The following HHIPL1 variants were observed in gnomAD, a reference collection of about 807,000 sequenced individuals.
The protein encoded by HHIPL1 is HHIP-like protein 1.
A neutral mutation model predicts 61.8 loss-of-function variants in HHIPL1; 43 were observed. The observed-to-expected ratio is 0.70, with a 90% confidence interval of 0.55 to 0.90. The LOEUF (loss-of-function observed/expected upper bound fraction) is 0.90. Among genes scored for constraint, HHIPL1 ranks in the 40% least tolerant of loss-of-function variants. The pLI, the probability that HHIPL1 is intolerant of heterozygous loss-of-function variation, is 0.00. For missense variants in HHIPL1, 1,056 were observed against 1,157.7 expected, an observed-to-expected ratio of 0.91 and a Z score of 1.28; for synonymous variants, 482 against 515.8, an observed-to-expected ratio of 0.93 and a Z score of 0.89.
At chr14:99,637,043 GAAAGAAGGAAGGAAGGAAAA>G in the HHIPL1 span, among the ~76,000 whole-genome samples, 2 of 90,356 alleles carry the variant, frequency 2.2e-5, no homozygotes, top group Admixed American at 1.2e-4. Context: ...AAGAAAGAAA[GAAAGAAGGAAGGAAGGAAAA>G]AAGAAAGAAA....
At chr14:99,643,642 T>A (rs186270154), upstream of HHIPL1, among the ~76,000 whole-genome samples, 166 of 152,324 alleles carry the variant, frequency 1.1e-3, no homozygotes, top group Non-Finnish European at 1.6e-3. Flanking sequence ...TGCCCTCCGA[T>A]TCCATCCTGG....
upstream of HHIPL1, among the ~76,000 whole-genome samples, chr14:99,642,097 G>T (rs2055759376): frequency 6.6e-6 from 1 of 151,948 alleles, no homozygotes; most frequent in South Asian, 2.1e-4. Flanking sequence ...CCGTCACCAT[G>T]CCTGGCTAAT....
rs1226522198 is a variant in HHIPL1 at position 99,677,827 on chromosome 14, A to C, written c.*2201A>C. 1.3e-5 allele frequency: 2 copies of C among 152,006 alleles called. No homozygotes were observed. The highest frequency in any genetic ancestry group is 4.8e-5 in the African/African-American group (2 of 41,316). The allele number at this position is 152,006 out of a possible 1,614,324, so 9.4% of individuals were successfully genotyped here. On this transcript the variant is annotated 3_prime_UTR_variant, in exon 9 of 9. Transcript: ENST00000330710. This position sits in a 1 kb window ranked among gnomAD's most constrained non-coding sequence, Gnocchi z 4.3. ...CTGGGCAGTTCGGGCTTTGGCCTTC[A>C]GTCTTCCAGGCCAGGCGCTCTTCCT...
the HHIPL1 span, among the ~76,000 whole-genome samples, chr14:99,610,588 C>T: frequency 6.6e-6 from 1 of 152,122 alleles, no homozygotes; most frequent in Non-Finnish European, 1.5e-5. Context: ...GACAAAACCC[C>T]CATCTCCAGT....
the HHIPL1 span, among the ~76,000 whole-genome samples, chr14:99,609,369 C>T: frequency 6.6e-6 from 1 of 152,188 alleles, no homozygotes; most frequent in Non-Finnish European, 1.5e-5. Context: ...TCCTCTGCAC[C>T]AGGACTATCT....
At chr14:99,629,003 G>T in the HHIPL1 span, among the ~76,000 whole-genome samples, 12 of 152,214 alleles carry the variant, frequency 7.9e-5, no homozygotes, top group Admixed American at 5.2e-4. Flanking sequence ...CCACCAGCAA[G>T]ACCGGCGGCA....
At chr14:99,670,507 G>T (rs1317114689) in intron 7 of HHIPL1, among the ~76,000 whole-genome samples, 1 of 152,124 alleles carries the variant, frequency 6.6e-6, no homozygotes, top group Non-Finnish European at 1.5e-5. Context: ...CGTCTGCTTA[G>T]CTTTCCCCTG....
chr14:99,656,823 GAA>G lies in HHIPL1; in HGVS notation c.903-175_903-174del, dbSNP rs1566809783. On this transcript the variant is annotated intron_variant, in intron 2 of 8. Coordinates refer to ENST00000330710, the MANE Select transcript of HHIPL1 (RefSeq NM_001127258.3). Reference sequence around the variant, plus strand: ...AGAAAGAAAGAAAGAAAGAAAGAAAGAAAGAAAGAAAGAAAGGAAGGAAGGAA... The same window carrying G: ...AGAAAGAAAGAAAGAAAGAAAGAAAGAGAAAGAAAGAAAGGAAGGAAGGAA... 4.6e-4 allele frequency among the ~76,000 whole-genome samples: 2 copies of G among 4,344 alleles called. 1 individual carries two copies. Among genetic ancestry groups the G allele is most frequent in the African/African-American group, 6.5e-4 (2 of 3,088 alleles). The allele number at this position is 4,344 out of a possible 152,430, so 2.8% of individuals were successfully genotyped here. A position where few individuals can be genotyped will look rare whatever the true frequency, so the allele number is the denominator to read the frequency against.
chr14:99,670,147 T>TA (rs2056311298), intron 7 of HHIPL1, among the ~76,000 whole-genome samples: 1 of 151,674 alleles, frequency 6.6e-6, no homozygotes, highest in African/African-American at 2.4e-5. Context: ...AGTCTTGCTC[T>TA]GTCTCCCAGG....
At chr14:99,671,418 C>G (rs1475537308) in intron 7 of HHIPL1, among the ~76,000 whole-genome samples, 3 of 152,206 alleles carry the variant, frequency 2.0e-5, no homozygotes, top group Non-Finnish European at 2.9e-5. Flanking sequence ...AGCGTATGTG[C>G]CTGGTTGTGT....
At chr14:99,663,172 T>G (rs2056182769) in intron 6 of HHIPL1, 151 bp downstream of exon 6, 5 of 698,764 alleles carry the variant, frequency 7.2e-6, no homozygotes, top group Non-Finnish European at 9.1e-6. Context: ...CAGACGTGCA[T>G]GTGCCTCTGT....
chr14:99,661,187 A>C (rs935578541), intron 5 of HHIPL1, among the ~76,000 whole-genome samples: 5 of 152,148 alleles, frequency 3.3e-5, no homozygotes, highest in Admixed American at 6.5e-5. Flanking sequence ...AAAGAGGCCC[A>C]AGGGCAGGCT....
At chr14:99,665,946 T>C (rs1296010690) in intron 6 of HHIPL1, among the ~76,000 whole-genome samples, 1 of 152,058 alleles carries the variant, frequency 6.6e-6, no homozygotes, top group Non-Finnish European at 1.5e-5. Flanking sequence ...CATGCCTGGC[T>C]AATTTTTGTA....
At position 99,660,291 on chromosome 14, in the gene HHIPL1, C is replaced by A. The variant is rs1165551783; in HGVS notation, c.1387C>A (p.Pro463Thr). ...CTCCCACCCCGCAGATGACTTGCTG[C>A]CGATTTTCGCCTACCCGCACACGGT... The part of the protein sequence containing the change: ...CANTSLNDLL[P>T]IFAYPHTVGK... Residue 463 changes from proline (P) to threonine (T), a missense_variant, in exon 5 of 9, where the codon CCG becomes ACG. Pro to Thr is a conservative substitution (Grantham distance 38, BLOSUM62 -1). Coordinates refer to ENST00000330710, the MANE Select transcript of HHIPL1 (RefSeq NM_001127258.3). The surrounding 1 kb of genome is among the most constrained non-coding windows in gnomAD (Gnocchi z 4.9). The A allele has an allele frequency of 1.2e-6, 2 of 1,613,998 alleles. No homozygotes were observed. The highest frequency in any genetic ancestry group is 8.5e-7 in the Non-Finnish European group (1 of 1,180,016).
chr14:99,678,312 A>G lies in HHIPL1; in HGVS notation c.*2686A>G, dbSNP rs2056410093. 6.6e-6 allele frequency: 1 copy of G among 152,196 alleles called. No individual in the cohort carries two copies. 9.4% of individuals were successfully genotyped at this position (152,196 alleles called of 1,614,324 possible). ...TTTGGAGACCTCTGCCCTAGGTAGT[A>G]ATAAGAGTGGACAGCTGTTATATGT... On this transcript the variant is annotated 3_prime_UTR_variant, in exon 9 of 9. Coordinates refer to ENST00000330710, the MANE Select transcript of HHIPL1 (RefSeq NM_001127258.3).
In HHIPL1 at chr14:99,668,312, CA is replaced by C; in HGVS notation, c.1730+10del. On this transcript the variant is annotated intron_variant, in intron 7 of 8. Transcript: ENST00000330710. This position sits in a 1 kb window ranked among gnomAD's most constrained non-coding sequence, Gnocchi z 4.7. ...ATAATTGACGCATCCAGGTGAGTCCCAGCCTCCAGGACAGGGAGCTCCTGCT... is the reference window on the plus strand; with the variant it reads ...ATAATTGACGCATCCAGGTGAGTCCCGCCTCCAGGACAGGGAGCTCCTGCT... 6.4e-7 allele frequency: 1 copy of C among 1,573,434 alleles called. No individual in the cohort carries two copies. Among genetic ancestry groups the C allele is most frequent in the African/African-American group, 1.3e-5 (1 of 74,160 alleles).
chr14:99,615,325 T>C, the HHIPL1 span, among the ~76,000 whole-genome samples: 2 of 152,106 alleles, frequency 1.3e-5, no homozygotes, highest in African/African-American at 4.8e-5. Flanking sequence ...GCCTCCCAGA[T>C]TGCTTGAGCC....
At chr14:99,654,275 T>A (rs1398409530) in intron 2 of HHIPL1, among the ~76,000 whole-genome samples, 1 of 151,346 alleles carries the variant, frequency 6.6e-6, no homozygotes, top group Non-Finnish European at 1.5e-5. Context: ...GGAAGCTGCC[T>A]CTACCCCTTG....
At chr14:99,610,178 C>A in the HHIPL1 span, among the ~76,000 whole-genome samples, 1 of 152,174 alleles carries the variant, frequency 6.6e-6, no homozygotes, top group African/African-American at 2.4e-5. Flanking sequence ...GAGGGAGGCT[C>A]AACATACTGG....
Sources: allele counts gnomAD v4.1 joint callset (sites outside exome capture counted in the v4.1 genomes callset), GRCh38; gene constraint gnomAD v4.1.1; non-coding constraint Gnocchi (gnomAD v3.1); transcripts MANE v1.5; gene names NCBI Gene and HGNC (gene_info 2026-07-23, HGNC 2026-07-21).